PAN3: variants seen among roughly 807,000 people sequenced by gnomAD.
PAN3 encodes the protein PAN2-PAN3 deadenylation complex subunit PAN3.
A neutral mutation model predicts 96.2 loss-of-function variants in PAN3; 19 were observed. The observed-to-expected ratio is 0.20, with a 90% confidence interval of 0.14 to 0.29. The LOEUF (loss-of-function observed/expected upper bound fraction) is 0.29, where lower values mean the gene tolerates loss of function less well. Ranked by LOEUF, PAN3 falls within the 10% of genes least tolerant of loss-of-function variation. The pLI is 1.00. For missense variants in PAN3, 882 were observed against 1,108.1 expected (o/e 0.80, Z 2.90); for synonymous variants, 433 against 406.6 (o/e 1.06, Z -0.78).
At chr13:28,212,827 T>A (rs1344683971) in intron 5 of PAN3, among the ~76,000 whole-genome samples, 2 of 152,138 alleles carry the variant, frequency 1.3e-5, no homozygotes, top group Non-Finnish European at 2.9e-5. Context: ...TGGGATAACA[T>A]CAGGTGACCT....
intron 1 of PAN3, among the ~76,000 whole-genome samples, chr13:28,141,829 T>C (rs1203835374): frequency 6.6e-6 from 1 of 151,976 alleles, no homozygotes; most frequent in African/African-American, 2.4e-5. Context: ...TGTAAGCAGA[T>C]GAAGATGGGA....
At chr13:28,262,503 G>A (rs1213997827) in intron 9 of PAN3, among the ~76,000 whole-genome samples, 1 of 152,100 alleles carries the variant, frequency 6.6e-6, no homozygotes, top group Non-Finnish European at 1.5e-5. Context: ...GATCTTTCCA[G>A]GTAAGGTGGG....
chr13:28,186,431 G>A (rs1011889627), intron 4 of PAN3, among the ~76,000 whole-genome samples: 65 of 152,228 alleles, frequency 4.3e-4, no homozygotes, highest in African/African-American at 1.5e-3. Context: ...TAAAATAGGC[G>A]CTATGTCCCA....
intron 2 of PAN3, among the ~76,000 whole-genome samples, chr13:28,174,866 T>C (rs1199350348): frequency 6.7e-6 from 1 of 149,424 alleles, no homozygotes; most frequent in Non-Finnish European, 1.5e-5. Context: ...TATAGAAGCA[T>C]AGTGCTAGTT....
intron 5 of PAN3, 21 bp from the exon 6 acceptor site, chr13:28,220,210 C>CAAT: frequency 6.2e-7 from 1 of 1,607,084 alleles, no homozygotes; most frequent in East Asian, 2.2e-5. Flanking sequence ...TGTTAACTTA[C>CAAT]TATATTTGAT....
intron 5 of PAN3, among the ~76,000 whole-genome samples, chr13:28,203,547 G>T (rs535348233): frequency 3.1e-4 from 47 of 151,994 alleles, no homozygotes; most frequent in Middle Eastern, 6.8e-3. Flanking sequence ...GGACTCAAGT[G>T]ACCCACTTGC....
At position 28,269,303 on chromosome 13, in the gene PAN3, T is replaced by C. The variant is rs576859863; in HGVS notation, c.1793-1398T>C. 2.0e-5 allele frequency among the ~76,000 whole-genome samples: 3 copies of C among 152,282 alleles called. No individual in the cohort carries two copies. The South Asian group carries it at 6.2e-4, about 32-fold the overall frequency. ...AATCATAATTATTCTGTTTTTGGTG[T>C]TCACTGATTAATATATTAATGTTTA... On this transcript the variant is annotated intron_variant, in intron 12 of 18. Transcript: ENST00000380958.
intron 6 of PAN3, among the ~76,000 whole-genome samples, chr13:28,236,808 G>T (rs1883153964): frequency 6.6e-6 from 1 of 152,122 alleles, no homozygotes; most frequent in Non-Finnish European, 1.5e-5. Flanking sequence ...GTCTCCCTTT[G>T]TTGCCCAGCC....
At chr13:28,177,335 A>G (rs1214624708) in intron 3 of PAN3, among the ~76,000 whole-genome samples, 2 of 152,190 alleles carry the variant, frequency 1.3e-5, no homozygotes, top group African/African-American at 2.4e-5. Context: ...TTAACTTAAT[A>G]TTTTACTTTA....
chr13:28,286,374 C>T (rs1311704483), intron 17 of PAN3, among the ~76,000 whole-genome samples: 2 of 152,196 alleles, frequency 1.3e-5, no homozygotes, highest in Non-Finnish European at 2.9e-5. Flanking sequence ...GAAAGTAAAA[C>T]CTCCAGATTT....
At chr13:28,285,070 T>G (rs1286303407) in intron 17 of PAN3, among the ~76,000 whole-genome samples, 1 of 152,196 alleles carries the variant, frequency 6.6e-6, no homozygotes, top group African/African-American at 2.4e-5. Flanking sequence ...ACTGAGTGTA[T>G]TCTTAGGTAT....
At chr13:28,211,224 T>C (rs751012338) in intron 5 of PAN3, among the ~76,000 whole-genome samples, 4 of 152,150 alleles carry the variant, frequency 2.6e-5, no homozygotes, top group South Asian at 4.1e-4. Flanking sequence ...TTATGTCTTT[T>C]TAGATCACTT....
chr13:28,276,753 C>T (rs764728808), intron 14 of PAN3, among the ~76,000 whole-genome samples: 9 of 152,122 alleles, frequency 5.9e-5, no homozygotes, highest in Non-Finnish European at 8.8e-5. Flanking sequence ...TTCAGATAAT[C>T]CTTCACATTC....
chr13:28,259,913 C>T (rs972953965), intron 7 of PAN3, among the ~76,000 whole-genome samples: 1 of 151,718 alleles, frequency 6.6e-6, no homozygotes, highest in African/African-American at 2.4e-5. Context: ...GCTGGGATTA[C>T]AGTTGTGAGC....
intron 7 of PAN3, among the ~76,000 whole-genome samples, chr13:28,257,266 G>T (rs1287244504): frequency 1.3e-5 from 2 of 152,158 alleles, no homozygotes; most frequent in Non-Finnish European, 2.9e-5. Flanking sequence ...GAAGGAACAG[G>T]AGTCAGGGGG....
chr13:28,195,044 A>G (rs985061459), intron 4 of PAN3, among the ~76,000 whole-genome samples: 1 of 152,186 alleles, frequency 6.6e-6, no homozygotes, highest in East Asian at 1.9e-4. Flanking sequence ...AATGTTCCCT[A>G]TGCTATAGAC....
At chr13:28,177,233 A>G (rs2138115873) in intron 3 of PAN3, among the ~76,000 whole-genome samples, 1 of 152,308 alleles carries the variant, frequency 6.6e-6, no homozygotes, top group African/African-American at 2.4e-5. Context: ...TTTATTTGTA[A>G]CTTCTTTCTA....
chr13:28,184,429 G>A, intron 4 of PAN3, among the ~76,000 whole-genome samples: 1 of 152,096 alleles, frequency 6.6e-6, no homozygotes, highest in East Asian at 1.9e-4. Context: ...TATGAGAAGG[G>A]TAAGTTGACT....
At chr13:28,253,464 TGATTA>T (rs1041442337) in intron 6 of PAN3, among the ~76,000 whole-genome samples, 5 of 152,224 alleles carry the variant, frequency 3.3e-5, no homozygotes, top group South Asian at 4.1e-4. Flanking sequence ...GTGTCTTTTG[TGATTA>T]GATTAGGTAT....
Sources: gnomAD v4.1 joint callset for allele counts (sites outside exome capture counted in the v4.1 genomes callset) on GRCh38, gnomAD v4.1.1 for gene constraint, MANE v1.5 for transcripts, NCBI Gene and HGNC (gene_info 2026-07-23, HGNC 2026-07-21) for gene names.